The following PPP2R1B variants were observed in gnomAD, a reference collection of about 807,000 sequenced individuals.
PPP2R1B encodes the protein protein phosphatase 2 scaffold subunit Abeta.
A neutral mutation model predicts 72.7 loss-of-function variants in PPP2R1B; 58 were observed. The observed-to-expected ratio is 0.80, with a 90% CI of 0.65 to 0.99. The LOEUF (loss-of-function observed/expected upper bound fraction) is 0.99, where lower values mean the gene tolerates loss of function less well. Among genes scored for constraint, PPP2R1B ranks in the 50% least tolerant of loss-of-function variants. The pLI is 0.00. For missense variants in PPP2R1B, 695 were observed against 733.6 expected, an observed-to-expected ratio of 0.95 and a Z score of 0.61; for synonymous variants, 256 against 264.6, an observed-to-expected ratio of 0.97 and a Z score of 0.32.
the PPP2R1B span, chr11:111,701,618 G>A: frequency 1.3e-6 from 2 of 1,591,636 alleles, no homozygotes; most frequent in Non-Finnish European, 1.7e-6. This position sits in a 1 kb window ranked among gnomAD's most constrained non-coding sequence, Gnocchi z 4.2. Context: ...TACAGTGTTA[G>A]TGCTCCAAGT....
the PPP2R1B span, among the ~76,000 whole-genome samples, chr11:111,716,750 C>T: frequency 3.3e-5 from 5 of 151,940 alleles, no homozygotes; most frequent in African/African-American, 9.7e-5. Flanking sequence ...TAAGTAAAAC[C>T]GTAAATTCAG....
At chr11:111,752,439 A>G in intron 9 of PPP2R1B, 107 bp from the exon 10 acceptor site, 1 of 1,127,736 alleles carries the variant, frequency 8.9e-7, no homozygotes, top group Non-Finnish European at 1.2e-6. Flanking sequence ...AGGTGAAAAA[A>G]AAATGGATAA....
chr11:111,708,198 A>G, the PPP2R1B span, among the ~76,000 whole-genome samples: 1,133 of 152,216 alleles, frequency 7.4e-3, 7 homozygotes, highest in Middle Eastern at 0.061. Context: ...CCTGGGCAAC[A>G]TGGTGAAATG....
the PPP2R1B span, among the ~76,000 whole-genome samples, chr11:111,708,979 A>G: frequency 6.6e-6 from 1 of 152,146 alleles, no homozygotes; most frequent in African/African-American, 2.4e-5. Flanking sequence ...GAATGAAACA[A>G]TCACCTCCAA....
chr11:111,721,018 C>T, the PPP2R1B span: 1 of 1,613,924 alleles, frequency 6.2e-7, no homozygotes, highest in Non-Finnish European at 8.5e-7. Context: ...TAACCTGGCG[C>T]CGGCGGCTCC....
intron 15 of PPP2R1B, among the ~76,000 whole-genome samples, chr11:111,731,410 G>A (rs1299014000): frequency 1.3e-5 from 2 of 152,274 alleles, no homozygotes; most frequent in African/African-American, 4.8e-5. Flanking sequence ...CCCTCACATG[G>A]GCGGGGCACC....
chr11:111,704,922 G>A, the PPP2R1B span: 3 of 1,474,362 alleles, frequency 2.0e-6, no homozygotes, highest in Non-Finnish European at 2.7e-6. Context: ...TTTTTTTTAG[G>A]CATGTGTAGA....
At chr11:111,712,499 T>G in the PPP2R1B span, 66 of 1,020,796 alleles carry the variant, frequency 6.5e-5, no homozygotes, top group Admixed American at 8.2e-5. Flanking sequence ...GGAGTGATGC[T>G]TTTGTGGAGA....
At chr11:111,742,173 GAC>G (rs761758851) in intron 13 of PPP2R1B, 29 bp from the exon 14 acceptor site, 2 of 1,557,448 alleles carry the variant, frequency 1.3e-6, no homozygotes, top group Non-Finnish European at 1.8e-6. Flanking sequence ...ATCTGTGAAA[GAC>G]AGTCTAATGG....
chr11:111,765,574 G>A (rs1945496284), intron 1 of PPP2R1B, among the ~76,000 whole-genome samples, 190 bp from the exon 2 acceptor site: 1 of 152,166 alleles, frequency 6.6e-6, no homozygotes, highest in Admixed American at 6.5e-5. Context: ...TCACTAGCCG[G>A]CGGAGGATTT....
At chr11:111,700,953 T>C in the PPP2R1B span, 1 of 1,614,092 alleles carries the variant, frequency 6.2e-7, no homozygotes, top group Non-Finnish European at 8.5e-7. Flanking sequence ...GCCCCCCTTA[T>C]GCAGCCCCAG....
chr11:111,765,890 C>G (rs970009005), intron 1 of PPP2R1B: 1 of 498,118 alleles, frequency 2.0e-6, no homozygotes. Context: ...GCCGCTCCAG[C>G]CCCGTCTCGG....
At chr11:111,715,772 G>A in the PPP2R1B span, among the ~76,000 whole-genome samples, 2 of 141,806 alleles carry the variant, frequency 1.4e-5, no homozygotes, top group Non-Finnish European at 3.1e-5. Flanking sequence ...ACATATACAC[G>A]CACACTTGAG....
At chr11:111,704,371 G>C in the PPP2R1B span, among the ~76,000 whole-genome samples, 26 of 152,338 alleles carry the variant, frequency 1.7e-4, no homozygotes, top group African/African-American at 6.3e-4. Context: ...ATCTGGGAAA[G>C]CTGGCAGGCT....
chr11:111,692,384 A>AAAAAAAAAAAAAAAC, the PPP2R1B span, among the ~76,000 whole-genome samples: 1 of 129,436 alleles, frequency 7.7e-6, no homozygotes, highest in South Asian at 2.6e-4. Flanking sequence ...AAAAAAAAAA[A>AAAAAAAAAAAAAAAC]AAAACACAAA....
chr11:111,765,531 A>C, intron 1 of PPP2R1B, 147 bp from the exon 2 acceptor site: 95 of 694,654 alleles, frequency 1.4e-4, no homozygotes, highest in East Asian at 1.9e-4. Context: ...AAGGAAGCTC[A>C]TAAGGACTTC....
Position 111,739,039 on chromosome 11 carries a change from G to C in PPP2R1B, c.*2557C>G, listed in dbSNP as rs1944431781. On this transcript the variant is annotated 3_prime_UTR_variant, in exon 15 of 15. Transcript: ENST00000527614. ...CCACACAGAACTGTAGTCTAAGCCA[G>C]GGGACCAGAAAAGGGCCACATAAAG... is the stretch of plus-strand genomic sequence containing the variant. The C allele has an allele frequency of 1.0e-6, 1 of 985,244 alleles. No individual in the cohort carries two copies. 61.0% of individuals were successfully genotyped at this position (985,244 alleles called of 1,614,324 possible). A position where few individuals can be genotyped will look rare whatever the true frequency, so the allele number is the denominator to read the frequency against.
At chr11:111,761,140 G>T in intron 3 of PPP2R1B, 89 bp from the exon 4 acceptor site, 1 of 1,074,590 alleles carries the variant, frequency 9.3e-7, no homozygotes, top group Non-Finnish European at 1.4e-6. Context: ...ACTGAAGGGA[G>T]GTGGTACACG....
the PPP2R1B span, among the ~76,000 whole-genome samples, chr11:111,698,144 A>C: frequency 3.3e-5 from 5 of 152,234 alleles, no homozygotes; most frequent in Non-Finnish European, 5.9e-5. Context: ...CCAAGTTTCT[A>C]TATTCATATT....
Sources: allele counts gnomAD v4.1 joint callset (sites outside exome capture counted in the v4.1 genomes callset), GRCh38; gene constraint gnomAD v4.1.1; non-coding constraint Gnocchi (gnomAD v3.1); transcripts MANE v1.5; gene names NCBI Gene and HGNC (gene_info 2026-07-23, HGNC 2026-07-21).